The following SMYD3 variants were observed in gnomAD, a reference collection of about 807,000 sequenced individuals.
SMYD3 encodes the protein SET and MYND domain containing 3, also known as histone-lysine N-methyltransferase SMYD3.
SMYD3 carries 36 observed loss-of-function variants against 57.7 expected under a neutral mutation model. The ratio of observed to expected loss-of-function variants is 0.62; its 90% confidence interval spans 0.48 to 0.82. SMYD3 has a LOEUF of 0.82. Ranked by LOEUF, SMYD3 falls within the 40% of genes least tolerant of loss-of-function variation. SMYD3 has a pLI of 0.00. For synonymous variants in SMYD3, 211 were observed against 195.0 expected (o/e 1.08, Z -0.68); for missense variants, 515 against 538.8 (o/e 0.96, Z 0.44).
chr1:246,036,532 T>C (rs972724137), intron 5 of SMYD3, among the ~76,000 whole-genome samples: 3 of 100,290 alleles, frequency 3.0e-5, no homozygotes. Context: ...TGTACTCTTC[T>C]TTCTCTCTTT....
Position 246,396,313 on chromosome 1 carries a change from G to T in SMYD3, c.165-41219C>A, listed in dbSNP as rs116632429. Among the ~76,000 whole-genome samples the T allele has an allele frequency of 8.1e-3, 1,232 of 152,268 alleles. 15 individuals carry two copies. Among genetic ancestry groups the T allele is most frequent in the African/African-American group, 0.027 (1,140 of 41,560 alleles). The stretch of plus-strand genomic sequence containing the variant: ...ATACTGTTTGGAAATTTTAGTGTTA[G>T]CTTCTCAGCTAGCTGATTATTCATT... On this transcript the variant is annotated intron_variant, in intron 1 of 11. Transcript: ENST00000490107.
rs74163079 is a variant in SMYD3 at position 245,784,843 on chromosome 1, A to ATT, written c.1077-20696_1077-20695dup. On this transcript the variant is annotated intron_variant, in intron 10 of 11. Coordinates refer to ENST00000490107, the MANE Select transcript of SMYD3 (RefSeq NM_001167740.2). The stretch of plus-strand genomic sequence containing the variant: ...TTCAAGGGGAGGGAATTTAGACTGA[A>ATT]TTTTTTTTTTTTTTTTTTTTTTTGA... Among the ~76,000 whole-genome samples, 693 of 115,576 alleles carry ATT rather than the reference A, an allele frequency of 6.0e-3. 9 individuals carry two copies. Among genetic ancestry groups the ATT allele is most frequent in the African/African-American group, 0.016 (453 of 27,648 alleles). 75.8% of individuals were successfully genotyped at this position (115,576 alleles called of 152,430 possible). A position where few individuals can be genotyped will look rare whatever the true frequency, so the allele number is the denominator to read the frequency against.
At chr1:246,175,632 C>T (rs2148264235) in intron 5 of SMYD3, among the ~76,000 whole-genome samples, 1 of 152,250 alleles carries the variant, frequency 6.6e-6, no homozygotes, top group South Asian at 2.1e-4. Flanking sequence ...GTCATTCACT[C>T]AATTTGGGGA....
chr1:246,213,636 G>A (rs769306384), intron 5 of SMYD3, among the ~76,000 whole-genome samples: 1 of 152,104 alleles, frequency 6.6e-6, no homozygotes, highest in Non-Finnish European at 1.5e-5. Context: ...GCACTTCCAC[G>A]CCAGGACAGT....
chr1:245,969,955 AG>A (rs1474117284), intron 5 of SMYD3, among the ~76,000 whole-genome samples: 1 of 151,732 alleles, frequency 6.6e-6, no homozygotes, highest in African/African-American at 2.4e-5. Flanking sequence ...AGAAATAGAA[AG>A]AACTACTTAA....
chr1:245,776,174 AT>A (rs1204042710), intron 10 of SMYD3, among the ~76,000 whole-genome samples: 2 of 151,404 alleles, frequency 1.3e-5, no homozygotes, highest in African/African-American at 2.4e-5. Flanking sequence ...ACAATATGTG[AT>A]TTATTTAATA....
chr1:246,257,533 C>T (rs1168145902), intron 5 of SMYD3, among the ~76,000 whole-genome samples: 1 of 152,134 alleles, frequency 6.6e-6, no homozygotes, highest in East Asian at 1.9e-4. Context: ...AGATGGGTCA[C>T]TTGAAGACAG....
At chr1:245,847,770 C>G (rs2050740035) in intron 10 of SMYD3, among the ~76,000 whole-genome samples, 1 of 152,108 alleles carries the variant, frequency 6.6e-6, no homozygotes, top group Non-Finnish European at 1.5e-5. Context: ...GAAAATTTTT[C>G]TATCAGGAAA....
intron 5 of SMYD3, among the ~76,000 whole-genome samples, chr1:246,151,415 T>C (rs543353773): frequency 2.5e-3 from 379 of 152,240 alleles, no homozygotes; most frequent in Non-Finnish European, 4.2e-3. Flanking sequence ...ATGGCCAAGG[T>C]GTTTAAAATC....
intron 8 of SMYD3, among the ~76,000 whole-genome samples, chr1:245,869,162 A>AT (rs1184990680): frequency 7.3e-5 from 11 of 151,198 alleles, no homozygotes; most frequent in Admixed American, 7.2e-4. Context: ...GAGTCCTGGA[A>AT]TTTTTTTTTA....
chr1:245,970,471 T>C (rs1257378686), intron 5 of SMYD3, among the ~76,000 whole-genome samples: 1 of 152,068 alleles, frequency 6.6e-6, no homozygotes, highest in Non-Finnish European at 1.5e-5. Context: ...GGGATCTAAT[T>C]AAACTAAAGA....
chr1:246,492,533 A>G (rs2068288100), intron 1 of SMYD3, among the ~76,000 whole-genome samples: 1 of 152,256 alleles, frequency 6.6e-6, no homozygotes, highest in South Asian at 2.1e-4. Flanking sequence ...TCCCAGACAC[A>G]GCAAGAGTCA....
intron 1 of SMYD3, among the ~76,000 whole-genome samples, chr1:246,449,602 C>G (rs990231390): frequency 6.6e-6 from 1 of 152,134 alleles, no homozygotes; most frequent in Non-Finnish European, 1.5e-5. Context: ...TCTGACTTCT[C>G]CAGCGATTAC....
chr1:246,102,013 C>T (rs1249594816), intron 5 of SMYD3, among the ~76,000 whole-genome samples: 2 of 152,196 alleles, frequency 1.3e-5, no homozygotes, highest in African/African-American at 4.8e-5. Flanking sequence ...AAAGTTCTAT[C>T]CGGCTTTAAT....
At chr1:245,881,768 G>T (rs1319732327) in intron 8 of SMYD3, among the ~76,000 whole-genome samples, 2 of 152,158 alleles carry the variant, frequency 1.3e-5, no homozygotes, top group Non-Finnish European at 2.9e-5. Flanking sequence ...ATTTTCATAG[G>T]GTAGTCAAGG....
chr1:246,411,973 AAT>A lies in SMYD3; in HGVS notation c.165-56881_165-56880del, dbSNP rs1491564211. 5.8e-3 allele frequency among the ~76,000 whole-genome samples: 497 copies of A among 86,380 alleles called. 10 individuals carry two copies. The highest frequency in any genetic ancestry group is 0.025 in the Middle Eastern group (3 of 120). The allele number at this position is 86,380 out of a possible 152,430, so 56.7% of individuals were successfully genotyped here. On this transcript the variant is annotated intron_variant, in intron 1 of 11. Coordinates refer to ENST00000490107, the MANE Select transcript of SMYD3 (RefSeq NM_001167740.2). ...ACACGTACCCTAAAACTTAAAGTAT[AAT>A]AAAAAAAAAAAAAAAAAACTTAAGG...
At chr1:246,060,238 C>T (rs2060227603) in intron 5 of SMYD3, among the ~76,000 whole-genome samples, 2 of 151,610 alleles carry the variant, frequency 1.3e-5, no homozygotes, top group East Asian at 1.9e-4. Flanking sequence ...CAGTGAGCCA[C>T]GATTATGCCA....
At chr1:245,934,691 C>T (rs1572731672) in intron 5 of SMYD3, among the ~76,000 whole-genome samples, 1 of 152,144 alleles carries the variant, frequency 6.6e-6, no homozygotes, top group South Asian at 2.1e-4. Flanking sequence ...TTCGCAAATC[C>T]CAGAATCCAC....
Position 246,101,064 on chromosome 1 carries a change from G to GTTTTTTTTTTTTTT in SMYD3, c.532-171128_532-171127insAAAAAAAAAAAAAA, listed in dbSNP as rs538220674. Among the ~76,000 whole-genome samples the GTTTTTTTTTTTTTT allele has an allele frequency of 3.8e-5, 3 of 78,564 alleles. 1 individual carries two copies. The highest frequency in any genetic ancestry group is 6.1e-5 in the Non-Finnish European group (2 of 32,616). 51.5% of individuals were successfully genotyped at this position (78,564 alleles called of 152,430 possible). A position where few individuals can be genotyped will look rare whatever the true frequency, so the allele number is the denominator to read the frequency against. On this transcript the variant is annotated intron_variant, in intron 5 of 11. Coordinates refer to ENST00000490107, the MANE Select transcript of SMYD3 (RefSeq NM_001167740.2). The stretch of plus-strand genomic sequence containing the variant: ...TCACTAGTAATATGTATTTTTAGGG[G>GTTTTTTTTTTTTTT]TTTTTTGTTTTTTTTTTTTTTTTTT...
Sources: allele counts gnomAD v4.1 joint callset (sites outside exome capture counted in the v4.1 genomes callset), GRCh38; gene constraint gnomAD v4.1.1; transcripts MANE v1.5; gene names NCBI Gene and HGNC (gene_info 2026-07-23, HGNC 2026-07-21).